WDPCP: variants seen among roughly 807,000 people sequenced by gnomAD.
The protein encoded by WDPCP is WD repeat containing planar cell polarity effector.
In WDPCP, 71 loss-of-function variants were observed where a neutral mutation model predicts 93.1. That is an observed-to-expected ratio of 0.76 (90% CI 0.63 to 0.93). WDPCP has a LOEUF of 0.93. WDPCP is among the 40% of genes least tolerant of loss of function. The pLI is 0.00. For synonymous variants in WDPCP, 315 were observed against 315.0 expected, an observed-to-expected ratio of 1.00 and a Z score of 0.00; for missense variants, 844 against 887.4, an observed-to-expected ratio of 0.95 and a Z score of 0.62.
intron 14 of WDPCP, among the ~76,000 whole-genome samples, chr2:63,222,877 G>C (rs1677961156): frequency 6.6e-6 from 1 of 151,918 alleles, no homozygotes; most frequent in Admixed American, 6.6e-5. Flanking sequence ...ACATATACAT[G>C]TGTTCATTAT....
chr2:63,209,530 G>A (rs1202666945), intron 14 of WDPCP, among the ~76,000 whole-genome samples: 1 of 152,146 alleles, frequency 6.6e-6, no homozygotes, highest in Non-Finnish European at 1.5e-5. Flanking sequence ...TTTTTAGTGG[G>A]TCCTGTAGCT....
chr2:63,683,175 A>G (rs1668744284), intron 2 of WDPCP, among the ~76,000 whole-genome samples: 1 of 152,202 alleles, frequency 6.6e-6, no homozygotes, highest in African/African-American at 2.4e-5. Context: ...AAGGAGGGAA[A>G]AAAGGATGAG....
At chr2:63,796,638 G>T (rs1339281556) in intron 2 of WDPCP, among the ~76,000 whole-genome samples, 1 of 152,248 alleles carries the variant, frequency 6.6e-6, no homozygotes, top group African/African-American at 2.4e-5. Flanking sequence ...TGGGGCAGAA[G>T]TCAGCCAGCC....
chr2:63,410,221 C>G (rs1278791279), intron 9 of WDPCP, among the ~76,000 whole-genome samples: 1 of 152,162 alleles, frequency 6.6e-6, no homozygotes, highest in Non-Finnish European at 1.5e-5. Flanking sequence ...CTTCAGCCTC[C>G]TTGAACAAAA....
intron 15 of WDPCP, among the ~76,000 whole-genome samples, chr2:63,169,750 T>C (rs1028722209): frequency 3.3e-5 from 5 of 152,302 alleles, no homozygotes; most frequent in Admixed American, 2.0e-4. Context: ...TTGACTTTTT[T>C]ACTTCTCATT....
chr2:63,523,767 T>C (rs931529561), intron 1 of WDPCP, among the ~76,000 whole-genome samples: 4 of 147,094 alleles, frequency 2.7e-5, no homozygotes, highest in Admixed American at 1.4e-4. Flanking sequence ...CAAAATTCGC[T>C]GGGCATGGTG....
At chr2:63,199,640 T>C (rs916099145) in intron 14 of WDPCP, among the ~76,000 whole-genome samples, 6 of 152,196 alleles carry the variant, frequency 3.9e-5, no homozygotes, top group Non-Finnish European at 5.9e-5. Flanking sequence ...AGAGGATGTA[T>C]GGAAACGCCT....
At chr2:63,403,228 C>T (rs960945010) in intron 10 of WDPCP, among the ~76,000 whole-genome samples, 1 of 151,936 alleles carries the variant, frequency 6.6e-6, no homozygotes, top group Non-Finnish European at 1.5e-5. Flanking sequence ...ATGATAAAAA[C>T]TTATGAACAC....
intron 6 of WDPCP, among the ~76,000 whole-genome samples, chr2:63,464,251 G>A (rs979064052): frequency 2.0e-5 from 3 of 152,020 alleles, no homozygotes; most frequent in Admixed American, 1.3e-4. Context: ...TACCCAACAA[G>A]CATATGAAAA....
rs905816536 is a variant in WDPCP at position 63,738,370 on chromosome 2, A to AT, written n.308+75251dup. The stretch of plus-strand genomic sequence containing the variant: ...ATGTTCAGCAAATACTCAGGTTCTT[A>AT]TTTTTTTTATCAGGGCTACTATTGA... On this transcript the variant is annotated intron_variant and non_coding_transcript_variant, in intron 2 of 4. Coordinates refer to the WDPCP transcript ENST00000467687. 6.4e-5 allele frequency among the ~76,000 whole-genome samples: 7 copies of AT among 108,862 alleles called. 1 individual carries two copies. The highest frequency in any genetic ancestry group is 2.0e-4 in the East Asian group (1 of 4,960). The allele number at this position is 108,862 out of a possible 152,430, so 71.4% of individuals were successfully genotyped here. A position where few individuals can be genotyped will look rare whatever the true frequency, so the allele number is the denominator to read the frequency against.
intron 10 of WDPCP, among the ~76,000 whole-genome samples, chr2:63,399,111 A>G (rs1693959647): frequency 6.6e-6 from 1 of 152,230 alleles, no homozygotes; most frequent in Non-Finnish European, 1.5e-5. Flanking sequence ...TTCCACATTT[A>G]GATCTTTTAA....
rs563698036 is a variant in WDPCP, at chr2:63,761,951, T to A, written n.308+51671A>T. On this transcript the variant is annotated intron_variant and non_coding_transcript_variant, in intron 2 of 4. Transcript: ENST00000467687. ...TTTGGGCTGGGGGTCTAGTTACTAA[T>A]TCCTGGACAATAATACTTACATTTA... Among the ~76,000 whole-genome samples the A allele has an allele frequency of 1.5e-4, 23 of 152,224 alleles. 1 individual carries two copies. The South Asian group carries it at 4.8e-3, about 32-fold the overall frequency.
At chr2:63,551,435 GTTAT>G (rs371912623) in intron 1 of WDPCP, among the ~76,000 whole-genome samples, 274 of 152,210 alleles carry the variant, frequency 1.8e-3, no homozygotes, top group African/African-American at 6.3e-3. Context: ...GTGAGATCGG[GTTAT>G]TTAAGAGTCT....
chr2:63,546,050 ACCC>A (rs930664131), intron 1 of WDPCP, among the ~76,000 whole-genome samples: 11 of 152,072 alleles, frequency 7.2e-5, no homozygotes, highest in African/African-American at 2.7e-4. Context: ...CCTAAGTCTA[ACCC>A]AGCACACCAA....
chr2:63,208,031 TTTTG>T (rs1319425380), intron 14 of WDPCP, among the ~76,000 whole-genome samples: 2 of 152,176 alleles, frequency 1.3e-5, no homozygotes, highest in African/African-American at 4.8e-5. Flanking sequence ...AACATGATTT[TTTTG>T]TTTCTTATTC....
At chr2:63,688,270 C>CA (rs1171849000) in intron 2 of WDPCP, among the ~76,000 whole-genome samples, 2 of 151,704 alleles carry the variant, frequency 1.3e-5, no homozygotes, top group African/African-American at 4.8e-5. Flanking sequence ...ACTAAAAATA[C>CA]AAAAAAATTA....
At chr2:63,709,283 C>A (rs1022697180) in intron 2 of WDPCP, among the ~76,000 whole-genome samples, 2 of 151,960 alleles carry the variant, frequency 1.3e-5, no homozygotes, top group South Asian at 2.1e-4. Context: ...CCCCTGCACT[C>A]TAGCCTGGGT....
At chr2:63,825,140 A>C (rs1443859704) in intron 1 of WDPCP, among the ~76,000 whole-genome samples, 1 of 152,180 alleles carries the variant, frequency 6.6e-6, no homozygotes, top group Non-Finnish European at 1.5e-5. Context: ...TCACTAATAA[A>C]TGCCGGTGAA....
chr2:63,368,613 A>G (rs1691128336), intron 12 of WDPCP, among the ~76,000 whole-genome samples: 1 of 151,756 alleles, frequency 6.6e-6, no homozygotes, highest in Admixed American at 6.6e-5. Flanking sequence ...GGCGTGAGCC[A>G]CCACGCCCAG....
Sources: gnomAD v4.1 joint callset for allele counts (sites outside exome capture counted in the v4.1 genomes callset) on GRCh38, gnomAD v4.1.1 for gene constraint, MANE v1.5 for transcripts, NCBI Gene and HGNC (gene_info 2026-07-23, HGNC 2026-07-21) for gene names.